The following VEPH1 variants were observed in gnomAD, a reference collection of about 807,000 sequenced individuals.
VEPH1 encodes the protein ventricular zone expressed PH domain containing 1, also known as ventricular zone-expressed PH domain-containing protein homolog 1.
In VEPH1, 80 loss-of-function variants were observed where a neutral mutation model predicts 85.2. That is an observed-to-expected ratio of 0.94 (90% CI 0.78 to 1.13). The LOEUF (loss-of-function observed/expected upper bound fraction) is 1.13. Ranked by LOEUF, VEPH1 falls within the 50% of genes most tolerant of loss-of-function variation. VEPH1 has a pLI of 0.00. For synonymous variants in VEPH1, 297 were observed against 348.0 expected, an observed-to-expected ratio of 0.85 and a Z score of 1.63; for missense variants, 955 against 980.5, an observed-to-expected ratio of 0.97 and a Z score of 0.35.
intron 11 of VEPH1, among the ~76,000 whole-genome samples, chr3:157,301,707 A>T (rs1207618104): frequency 6.6e-6 from 1 of 152,068 alleles, no homozygotes; most frequent in Non-Finnish European, 1.5e-5. Context: ...CTTCTTGGAC[A>T]CTTTCTTGAT....
intron 6 of VEPH1, among the ~76,000 whole-genome samples, chr3:157,385,569 G>A (rs116130310): frequency 6.6e-6 from 1 of 152,044 alleles, no homozygotes; most frequent in Admixed American, 6.6e-5. Context: ...GAGAAGACTG[G>A]CATTCCTCTA....
chr3:157,282,796 T>G (rs1355120626), intron 12 of VEPH1, among the ~76,000 whole-genome samples: 5 of 152,212 alleles, frequency 3.3e-5, no homozygotes, highest in Admixed American at 3.3e-4. Flanking sequence ...GAAGATTAGC[T>G]TGGTTTTCCA....
rs192402364 is a variant in VEPH1 at position 157,296,369 on chromosome 3, A to G, written c.2011-9695T>C. 3.0e-3 allele frequency among the ~76,000 whole-genome samples: 451 copies of G among 152,334 alleles called. 1 individual carries two copies. Among genetic ancestry groups the G allele is most frequent in the Non-Finnish European group, 5.0e-3 (343 of 68,034 alleles). On this transcript the variant is annotated intron_variant, in intron 11 of 13. Coordinates refer to ENST00000362010, the MANE Select transcript of VEPH1 (RefSeq NM_001167912.2). ...GAGAACACAGTTTAGTGAAGCAAAG[A>G]GACTAGCAAGGGTCAGACTCTGTGA...
intron 2 of VEPH1, among the ~76,000 whole-genome samples, chr3:157,476,349 G>T (rs1737474176): frequency 3.3e-5 from 5 of 152,144 alleles, no homozygotes; most frequent in African/African-American, 1.2e-4. Context: ...CTTTTTTTCT[G>T]CCCACAGGGC....
chr3:157,305,869 C>T lies in VEPH1; in HGVS notation c.2010+7752G>A, dbSNP rs1719460082. On this transcript the variant is annotated intron_variant, in intron 11 of 13. Coordinates refer to ENST00000362010, the MANE Select transcript of VEPH1 (RefSeq NM_001167912.2). ...GGACTCAGTCTCCTAAGTATTTGCTCATGTTCTTCGTTCATTGATTATTGA... is the reference window on the plus strand; with the variant it reads ...GGACTCAGTCTCCTAAGTATTTGCTTATGTTCTTCGTTCATTGATTATTGA... 2.0e-5 allele frequency among the ~76,000 whole-genome samples: 3 copies of T among 152,266 alleles called. No individual in the cohort carries two copies. The South Asian group carries it at 6.2e-4, about 32-fold the overall frequency.
At chr3:157,490,726 C>T (rs760482719) in intron 2 of VEPH1, among the ~76,000 whole-genome samples, 7 of 152,178 alleles carry the variant, frequency 4.6e-5, no homozygotes, top group Non-Finnish European at 1.0e-4. Flanking sequence ...CACAAAGTTG[C>T]AAATACACAA....
At chr3:157,323,629 C>T (rs572239046) in intron 9 of VEPH1, among the ~76,000 whole-genome samples, 2 of 152,240 alleles carry the variant, frequency 1.3e-5, no homozygotes, top group East Asian at 3.9e-4. Flanking sequence ...TGGCAAAAAT[C>T]CAGCCAGTTG....
At chr3:157,274,638 CA>C (rs1308036956) in intron 12 of VEPH1, among the ~76,000 whole-genome samples, 1 of 152,144 alleles carries the variant, frequency 6.6e-6, no homozygotes, top group African/African-American at 2.4e-5. Flanking sequence ...ACTAGGACTA[CA>C]AGTGCATGCC....
At chr3:157,263,079 G>T (rs1713132747) in intron 13 of VEPH1, among the ~76,000 whole-genome samples, 1 of 152,158 alleles carries the variant, frequency 6.6e-6, no homozygotes, top group South Asian at 2.1e-4. Context: ...AAAGATTAGA[G>T]TCTTCCACTA....
intron 6 of VEPH1, among the ~76,000 whole-genome samples, chr3:157,400,473 T>C (rs1362552567): frequency 6.6e-6 from 1 of 152,178 alleles, no homozygotes; most frequent in Non-Finnish European, 1.5e-5. Context: ...GAAATTGACT[T>C]AGGATTTAAA....
chr3:157,453,879 C>T (rs969718818), intron 4 of VEPH1, among the ~76,000 whole-genome samples: 1 of 152,128 alleles, frequency 6.6e-6, no homozygotes, highest in Non-Finnish European at 1.5e-5. Flanking sequence ...GTCAAATTAC[C>T]ATTCATTTTA....
In VEPH1 at chr3:157,484,520, C is replaced by T. The variant is rs114720434; in HGVS notation, c.138+10692G>A. 3.1e-3 allele frequency among the ~76,000 whole-genome samples: 466 copies of T among 151,892 alleles called. 1 individual carries two copies. Among genetic ancestry groups the T allele is most frequent in the African/African-American group, 0.01 (415 of 41,400 alleles). On this transcript the variant is annotated intron_variant, in intron 2 of 13. Transcript: ENST00000362010. ...AAACAAGAACTTGGATTCAGGAAAACAAATAAAAAAGAAAGGTGAAAAAAG... is the reference window on the plus strand; with the variant it reads ...AAACAAGAACTTGGATTCAGGAAAATAAATAAAAAAGAAAGGTGAAAAAAG...
At chr3:157,306,825 T>C (rs1239131694) in intron 11 of VEPH1, among the ~76,000 whole-genome samples, 2 of 152,064 alleles carry the variant, frequency 1.3e-5, no homozygotes, top group Admixed American at 1.3e-4. Context: ...ATCTAAATAA[T>C]GTACACTGTA....
chr3:157,328,776 C>T lies in VEPH1; in HGVS notation c.1736-11575G>A, dbSNP rs115610471. On this transcript the variant is annotated intron_variant, in intron 9 of 13. Transcript: ENST00000362010. Reference sequence around the variant, plus strand: ...TGATATTTTGCTCTATTCAAAGCTTCGTGGCAGGAAGATAAAAAAAGCTAA... The same window carrying T: ...TGATATTTTGCTCTATTCAAAGCTTTGTGGCAGGAAGATAAAAAAAGCTAA... Among the ~76,000 whole-genome samples, 514 of 152,214 alleles carry T rather than the reference C, an allele frequency of 3.4e-3. 4 individuals are homozygous for T. Among genetic ancestry groups the T allele is most frequent in the African/African-American group, 0.012 (492 of 41,542 alleles).
intron 4 of VEPH1, chr3:157,459,972 G>A (rs759267191): frequency 1.3e-6 from 2 of 1,537,712 alleles, no homozygotes. Context: ...CTTTTAATGA[G>A]TCTAAGTAAT....
At chr3:157,405,412 T>C (rs941695955) in intron 6 of VEPH1, among the ~76,000 whole-genome samples, 1 of 152,144 alleles carries the variant, frequency 6.6e-6, no homozygotes, top group South Asian at 2.1e-4. Flanking sequence ...CATTTACTTA[T>C]CCGCACTATG....
At chr3:157,487,930 T>G (rs553110905) in intron 2 of VEPH1, among the ~76,000 whole-genome samples, 9 of 152,094 alleles carry the variant, frequency 5.9e-5, no homozygotes, top group Non-Finnish European at 1.2e-4. Flanking sequence ...GAGCAAACAT[T>G]ATGCTTACAC....
rs1733782698 is a variant in VEPH1, at chr3:157,438,019, A to AAG, written c.530-9533_530-9532dup. 2.6e-6 allele frequency: 3 copies of AAG among 1,133,532 alleles called. No individual in the cohort carries two copies. The East Asian group carries it at 9.6e-5, about 36-fold the overall frequency. 70.2% of individuals were successfully genotyped at this position (1,133,532 alleles called of 1,614,324 possible). ...ACCTTCTAGGGGAAGCTTTCATGGG[A>AAG]AGCGCGCGCGCGCGCGCGCACACAC... On this transcript the variant is annotated intron_variant, in intron 4 of 13. Coordinates refer to ENST00000362010, the MANE Select transcript of VEPH1 (RefSeq NM_001167912.2).
chr3:157,444,671 C>A (rs1348346367), intron 4 of VEPH1, among the ~76,000 whole-genome samples: 1 of 152,190 alleles, frequency 6.6e-6, no homozygotes, highest in Non-Finnish European at 1.5e-5. Context: ...ATTTAAATTC[C>A]TTTACATGCT....
Sources: allele counts gnomAD v4.1 joint callset (sites outside exome capture counted in the v4.1 genomes callset), GRCh38; gene constraint gnomAD v4.1.1; transcripts MANE v1.5; gene names NCBI Gene and HGNC (gene_info 2026-07-23, HGNC 2026-07-21).